Variants in DLG2 observed in about 807,000 individuals in gnomAD.
DLG2 encodes the protein discs large MAGUK scaffold protein 2.
DLG2 carries 45 observed loss-of-function variants against 132.5 expected under a neutral mutation model. The ratio of observed to expected loss-of-function variants is 0.34; its 90% CI spans 0.27 to 0.44. The LOEUF (loss-of-function observed/expected upper bound fraction) is 0.44, where lower values mean the gene tolerates loss of function less well. Ranked by LOEUF, DLG2 falls within the 20% of genes least tolerant of loss-of-function variation. The pLI, the probability that DLG2 is intolerant of heterozygous loss-of-function variation, is 1.00. For missense variants in DLG2, 1,045 were observed against 1,196.9 expected, an observed-to-expected ratio of 0.87 and a Z score of 1.87; for synonymous variants, 424 against 419.6, an observed-to-expected ratio of 1.01 and a Z score of -0.13.
chr11:83,883,349 T>C (rs1565482675), intron 15 of DLG2, among the ~76,000 whole-genome samples: 2 of 151,984 alleles, frequency 1.3e-5, no homozygotes, highest in Admixed American at 6.6e-5. Context: ...CTGGGACCCA[T>C]TTTTTTTCTG....
intron 7 of DLG2, among the ~76,000 whole-genome samples, chr11:84,455,800 G>C (rs775749077): frequency 1.3e-4 from 20 of 151,276 alleles, no homozygotes; most frequent in Non-Finnish European, 2.4e-4. Context: ...GAACATTTGG[G>C]AATTCAACTG....
At chr11:85,131,312 A>T (rs1325176497) in intron 5 of DLG2, among the ~76,000 whole-genome samples, 1 of 152,042 alleles carries the variant, frequency 6.6e-6, no homozygotes, top group Non-Finnish European at 1.5e-5. Context: ...TTTTTACAAT[A>T]TTAATTATGT....
At chr11:84,633,512 C>T (rs1443463063) in intron 6 of DLG2, among the ~76,000 whole-genome samples, 1 of 152,068 alleles carries the variant, frequency 6.6e-6, no homozygotes, top group Admixed American at 6.6e-5. Flanking sequence ...TTCTTGACTG[C>T]CTCCTCTTCC....
intron 7 of DLG2, among the ~76,000 whole-genome samples, chr11:84,304,069 C>T (rs575251112): frequency 9.2e-5 from 14 of 152,292 alleles, no homozygotes; most frequent in African/African-American, 2.6e-4. Context: ...AATACTTATC[C>T]ATACTATGGT....
chr11:83,969,205 C>A (rs531689165), intron 12 of DLG2, among the ~76,000 whole-genome samples: 1 of 152,250 alleles, frequency 6.6e-6, no homozygotes, highest in East Asian at 1.9e-4. Flanking sequence ...AATTGGATCA[C>A]AAGCCTCCTT....
chr11:84,205,009 T>C (rs1420601275), intron 8 of DLG2, among the ~76,000 whole-genome samples: 1 of 152,154 alleles, frequency 6.6e-6, no homozygotes, highest in Non-Finnish European at 1.5e-5. Flanking sequence ...CAGCAGCCAC[T>C]GATGTACTTT....
At chr11:84,237,294 G>A (rs1005453531) in intron 8 of DLG2, among the ~76,000 whole-genome samples, 1 of 152,136 alleles carries the variant, frequency 6.6e-6, no homozygotes, top group Non-Finnish European at 1.5e-5. Context: ...CCACTGCTTT[G>A]AGACATCAGC....
At chr11:84,497,862 T>C (rs1216887584) in intron 7 of DLG2, among the ~76,000 whole-genome samples, 1 of 152,090 alleles carries the variant, frequency 6.6e-6, no homozygotes, top group Non-Finnish European at 1.5e-5. Context: ...GGCAGCCACA[T>C]AGGTTTCAAG....
intron 6 of DLG2, among the ~76,000 whole-genome samples, chr11:84,740,775 G>C (rs1326916596): frequency 6.6e-6 from 1 of 152,146 alleles, no homozygotes; most frequent in East Asian, 1.9e-4. Flanking sequence ...GTCTTACCCA[G>C]GGCAAAGCCA....
chr11:84,148,834 C>A (rs918681171), intron 9 of DLG2, among the ~76,000 whole-genome samples: 3 of 152,102 alleles, frequency 2.0e-5, no homozygotes, highest in Admixed American at 2.0e-4. Context: ...CATTCCCATC[C>A]ACAATGTAAA....
At chr11:84,440,297 T>C (rs1422269899) in intron 7 of DLG2, among the ~76,000 whole-genome samples, 1 of 152,192 alleles carries the variant, frequency 6.6e-6, no homozygotes, top group Non-Finnish European at 1.5e-5. Context: ...AAATGCTCAG[T>C]AAACAGTAGA....
chr11:83,587,793 G>C (rs1031934179), intron 19 of DLG2, among the ~76,000 whole-genome samples: 1 of 151,994 alleles, frequency 6.6e-6, no homozygotes, highest in Non-Finnish European at 1.5e-5. Flanking sequence ...CGCACCGTGC[G>C]CGAGCCGAAG....
intron 22 of DLG2, chr11:83,483,300 T>C (rs1420276670): frequency 6.2e-7 from 1 of 1,611,640 alleles, no homozygotes; most frequent in Non-Finnish European, 8.5e-7. Context: ...GGGGATGTCC[T>C]GCATGGAAGT....
chr11:83,996,249 C>A (rs2094015227), intron 11 of DLG2, among the ~76,000 whole-genome samples: 1 of 152,048 alleles, frequency 6.6e-6, no homozygotes, highest in Non-Finnish European at 1.5e-5. Context: ...CATCAGAGAA[C>A]TGCATATCAA....
chr11:84,115,960 T>C (rs1239711590), intron 9 of DLG2, among the ~76,000 whole-genome samples: 1 of 152,212 alleles, frequency 6.6e-6, no homozygotes, highest in Non-Finnish European at 1.5e-5. Flanking sequence ...TCAATAAATA[T>C]GTGTTTAAGA....
intron 6 of DLG2, among the ~76,000 whole-genome samples, chr11:84,569,670 T>C (rs2099472634): frequency 6.6e-6 from 1 of 152,198 alleles, no homozygotes; most frequent in Non-Finnish European, 1.5e-5. Context: ...AGAATGATGG[T>C]TCTGAGAAGA....
In DLG2 at chr11:85,627,207, C is replaced by G. The variant is rs1044854079; in HGVS notation, c.-260+11G>C. The G allele has an allele frequency of 2.4e-4, 37 of 152,168 alleles. No homozygotes were observed. Among genetic ancestry groups the G allele is most frequent in the Admixed American group, 1.7e-3 (26 of 15,274 alleles). 9.4% of individuals were successfully genotyped at this position (152,168 alleles called of 1,614,324 possible). On this transcript the variant is annotated intron_variant, in intron 1 of 27. Transcript: ENST00000376104. The stretch of plus-strand genomic sequence containing the variant: ...CCCTTATATTTACTGATCAGAAGTT[C>G]CGGATCTCACCCCCTCAGTAACTCA...
intron 15 of DLG2, among the ~76,000 whole-genome samples, chr11:83,882,253 T>C (rs1325718668): frequency 6.6e-6 from 1 of 152,154 alleles, no homozygotes; most frequent in Non-Finnish European, 1.5e-5. Context: ...AGAAAAAATC[T>C]TGACCCTCAC....
At chr11:84,444,590 T>G (rs2099027393) in intron 7 of DLG2, among the ~76,000 whole-genome samples, 1 of 152,168 alleles carries the variant, frequency 6.6e-6, no homozygotes, top group South Asian at 2.1e-4. Context: ...ATAATATGTA[T>G]GTGCATATAA....
Sources: gnomAD v4.1 joint callset for allele counts (sites outside exome capture counted in the v4.1 genomes callset) on GRCh38, gnomAD v4.1.1 for gene constraint, MANE v1.5 for transcripts, NCBI Gene and HGNC (gene_info 2026-07-23, HGNC 2026-07-21) for gene names.